Variants in SH2D4A observed in about 807,000 individuals in gnomAD.
The protein encoded by SH2D4A is SH2 domain containing 4A.
Under a neutral mutation model 64.7 loss-of-function variants are expected in SH2D4A, and 70 were observed. The ratio of observed to expected loss-of-function variants is 1.08; its 90% CI spans 0.89 to 1.32. The LOEUF (loss-of-function observed/expected upper bound fraction) is 1.32, where lower values mean the gene tolerates loss of function less well. Ranked by LOEUF, SH2D4A falls within the 40% of genes most tolerant of loss-of-function variation. The pLI is 0.00. For missense variants in SH2D4A, 706 were observed against 540.1 expected, an observed-to-expected ratio of 1.31 and a Z score of -3.04; for synonymous variants, 268 against 200.7, an observed-to-expected ratio of 1.34 and a Z score of -2.83.
At chr8:19,345,780 A>G (rs2052604019) in intron 4 of SH2D4A, among the ~76,000 whole-genome samples, 1 of 152,240 alleles carries the variant, frequency 6.6e-6, no homozygotes, top group African/African-American at 2.4e-5. Context: ...ATGTGATTTT[A>G]TACCAGTGTA....
At chr8:19,390,011 G>A (rs1384663346) in intron 8 of SH2D4A, among the ~76,000 whole-genome samples, 2 of 152,232 alleles carry the variant, frequency 1.3e-5, no homozygotes, top group African/African-American at 4.8e-5. Flanking sequence ...TAGGGGCTGG[G>A]ATGAAGACCC....
At chr8:19,317,515 AG>A (rs2052110354) in intron 1 of SH2D4A, among the ~76,000 whole-genome samples, 1 of 148,210 alleles carries the variant, frequency 6.7e-6, no homozygotes, top group African/African-American at 2.5e-5. Context: ...AGTTTCATCA[AG>A]GGCCTGGCTT....
chr8:19,361,033 G>A (rs1202819062), intron 5 of SH2D4A, 170 bp from the exon 6 acceptor site: 2 of 458,720 alleles, frequency 4.4e-6, no homozygotes, highest in South Asian at 5.4e-5. Context: ...CTTACTTCAG[G>A]TCTTACTGAC....
At position 19,319,662 on chromosome 8, in the gene SH2D4A, T is replaced by G; in HGVS notation, c.115T>G (p.Trp39Gly). 1 of 1,610,974 alleles carries G rather than the reference T, an allele frequency of 6.2e-7. No individual in the cohort carries two copies. Among genetic ancestry groups the G allele is most frequent in the Admixed American group, 1.7e-5 (1 of 59,454 alleles). ...GATGAGAGAGGAACAGATCCGACGA[T>G]GGAAAGAAAGAGAAGCAGCTATGGA... ...FKMREEQIRRWKEREAAMERK... is the reference protein window; with the variant it reads ...FKMREEQIRRGKEREAAMERK... Residue 39 changes from tryptophan (W) to glycine (G), a missense_variant, in exon 2 of 10, where the codon TGG becomes GGG. Coordinates refer to ENST00000265807, the MANE Select transcript of SH2D4A (RefSeq NM_022071.4).
intron 2 of SH2D4A, among the ~76,000 whole-genome samples, chr8:19,327,201 A>T (rs2052295798): frequency 6.6e-6 from 1 of 152,198 alleles, no homozygotes; most frequent in African/African-American, 2.4e-5. Flanking sequence ...CACTTCAAGA[A>T]ACCCCCAAGA....
chr8:19,394,896 A>AT lies in SH2D4A; in HGVS notation c.*255dup. ...TCAGCAAGTACCTGTCATGAAGGGT[A>AT]TGACCTTAATGATGTACATAAAATA... On this transcript the variant is annotated 3_prime_UTR_variant, in exon 10 of 10. Coordinates refer to ENST00000265807, the MANE Select transcript of SH2D4A (RefSeq NM_022071.4). The AT allele has an allele frequency of 3.2e-6, 1 of 315,284 alleles. No individual in the cohort carries two copies. The highest frequency in any genetic ancestry group is 5.8e-6 in the Non-Finnish European group (1 of 173,764). 19.5% of individuals were successfully genotyped at this position (315,284 alleles called of 1,614,324 possible). A position where few individuals can be genotyped will look rare whatever the true frequency, so the allele number is the denominator to read the frequency against.
intron 4 of SH2D4A, among the ~76,000 whole-genome samples, chr8:19,338,314 CA>C (rs1481727974): frequency 6.6e-6 from 1 of 152,156 alleles, no homozygotes; most frequent in Non-Finnish European, 1.5e-5. Flanking sequence ...CTCCCTCTAT[CA>C]AAAGGGGATA....
chr8:19,364,146 T>G lies in SH2D4A; in HGVS notation c.781T>G (p.Ser261Ala). The change falls in exon 7 of 10, where the codon TCC becomes GCC. Residue 261 changes from serine to alanine, a missense_variant. Physicochemically the swap from Ser to Ala is moderately conservative, Grantham distance 99. Coordinates refer to ENST00000265807, the MANE Select transcript of SH2D4A (RefSeq NM_022071.4). ...AGCACGAGAAGACTACAAGAGGTTA[T>G]CCCTCGGGGCCCAGAAAGGAAGAGG... ...KQAREDYKRL[S>A]LGAQKGRGGE... The G allele has an allele frequency of 1.2e-6, 2 of 1,614,070 alleles. No homozygotes were observed. Among genetic ancestry groups the G allele is most frequent in the East Asian group, 2.2e-5 (1 of 44,852 alleles).
chr8:19,392,086 T>C (rs1353780834), intron 8 of SH2D4A, among the ~76,000 whole-genome samples: 1 of 152,202 alleles, frequency 6.6e-6, no homozygotes, highest in Non-Finnish European at 1.5e-5. Context: ...TGGATTATGA[T>C]GGGAATAAAA....
chr8:19,347,564 G>A (rs552156935), intron 4 of SH2D4A, among the ~76,000 whole-genome samples: 14 of 152,290 alleles, frequency 9.2e-5, no homozygotes, highest in Admixed American at 2.0e-4. Flanking sequence ...TAATTTGCAG[G>A]CTTGGAACTC....
intron 8 of SH2D4A, among the ~76,000 whole-genome samples, chr8:19,380,391 CTCTT>C (rs146060525): frequency 0.016 from 2,427 of 152,064 alleles, 77 homozygotes; most frequent in African/African-American, 0.056. Context: ...TTCGATTTGC[CTCTT>C]TTTTTCTTGT....
At chr8:19,355,939 AC>A (rs2052784882) in intron 4 of SH2D4A, among the ~76,000 whole-genome samples, 1 of 152,200 alleles carries the variant, frequency 6.6e-6, no homozygotes, top group South Asian at 2.1e-4. Context: ...GGCCAAAAAT[AC>A]AATAAAAGTT....
intron 8 of SH2D4A, among the ~76,000 whole-genome samples, chr8:19,379,605 A>C (rs1379848137): frequency 6.6e-6 from 1 of 152,232 alleles, no homozygotes; most frequent in Non-Finnish European, 1.5e-5. Flanking sequence ...ACTGTTTTCC[A>C]TAGTGGCTAT....
intron 4 of SH2D4A, among the ~76,000 whole-genome samples, chr8:19,340,901 C>T (rs1244912925): frequency 6.6e-6 from 1 of 152,120 alleles, no homozygotes; most frequent in Non-Finnish European, 1.5e-5. Context: ...CCCAGTCAGG[C>T]TGATCTTATA....
chr8:19,355,438 C>T lies in SH2D4A; in HGVS notation c.514-1765C>T, dbSNP rs553907698. ...TTTAGACGCAGAGCAGCAAAGTATA[C>T]TTTTATAATATTAAAATAAGAAAAC... On this transcript the variant is annotated intron_variant, in intron 4 of 9. Coordinates refer to ENST00000265807, the MANE Select transcript of SH2D4A (RefSeq NM_022071.4). Among the ~76,000 whole-genome samples the T allele has an allele frequency of 2.0e-5, 3 of 152,192 alleles. No homozygotes were observed. The South Asian group carries it at 6.2e-4, about 32-fold the overall frequency.
chr8:19,316,169 A>G (rs1433239624), intron 1 of SH2D4A, among the ~76,000 whole-genome samples: 1 of 152,230 alleles, frequency 6.6e-6, no homozygotes, highest in East Asian at 1.9e-4. Flanking sequence ...GAATGGCCAC[A>G]TCGTCAACGG....
chr8:19,371,359 T>A (rs966764485), intron 7 of SH2D4A, among the ~76,000 whole-genome samples: 1 of 152,170 alleles, frequency 6.6e-6, no homozygotes, highest in South Asian at 2.1e-4. Flanking sequence ...GGTTGCATTT[T>A]TTTTTTCCTT....
chr8:19,330,343 A>G (rs1008446117), intron 2 of SH2D4A, among the ~76,000 whole-genome samples: 3 of 152,126 alleles, frequency 2.0e-5, no homozygotes, highest in African/African-American at 7.2e-5. Context: ...AGAGGTGAAA[A>G]GTCAGCAGAG....
At chr8:19,365,331 C>T (rs760409054) in intron 7 of SH2D4A, among the ~76,000 whole-genome samples, 1 of 152,114 alleles carries the variant, frequency 6.6e-6, no homozygotes, top group Non-Finnish European at 1.5e-5. Flanking sequence ...GAAATAATTA[C>T]AGTAAAGACC....
Sources: allele counts gnomAD v4.1 joint callset (sites outside exome capture counted in the v4.1 genomes callset), GRCh38; gene constraint gnomAD v4.1.1; transcripts MANE v1.5; gene names NCBI Gene and HGNC (gene_info 2026-07-23, HGNC 2026-07-21).